The following RNF185 variants were observed in gnomAD, a reference collection of about 807,000 sequenced individuals.
RNF185 encodes the protein ring finger protein 185.
In RNF185, 13 loss-of-function variants were observed where a neutral mutation model predicts 24.9. The observed-to-expected ratio is 0.52, with a 90% CI of 0.34 to 0.83. The LOEUF (loss-of-function observed/expected upper bound fraction) is 0.83. Ranked by LOEUF, RNF185 falls within the 40% of genes least tolerant of loss-of-function variation. The pLI, the probability that RNF185 is intolerant of heterozygous loss-of-function variation, is 0.01. For synonymous variants in RNF185, 79 were observed against 90.3 expected (o/e 0.88, Z 0.71); for missense variants, 184 against 244.7 (o/e 0.75, Z 1.65).
chr22:31,187,339 T>A, intron 2 of RNF185, 69 bp downstream of exon 2: 2 of 1,561,130 alleles, frequency 1.3e-6, no homozygotes, highest in Non-Finnish European at 1.8e-6. Flanking sequence ...CCTGGGTGGT[T>A]TGGAGCAGAA....
At chr22:31,201,200 T>C (rs1370220749) in intron 5 of RNF185, among the ~76,000 whole-genome samples, 1 of 152,216 alleles carries the variant, frequency 6.6e-6, no homozygotes, top group Non-Finnish European at 1.5e-5. Flanking sequence ...TCAAGCCCTG[T>C]GAGTGCTGAC....
chr22:31,175,894 C>G (rs2034904344), intron 1 of RNF185, among the ~76,000 whole-genome samples: 2 of 152,052 alleles, frequency 1.3e-5, no homozygotes, highest in Non-Finnish European at 2.9e-5. Flanking sequence ...CCTTTTTGTT[C>G]TCTACTGAGA....
rs61736799 is a variant in RNF185, at chr22:31,195,526, C to T, written c.253C>T (p.Arg85Ter). The T allele has an allele frequency of 8.7e-6, 14 of 1,611,584 alleles. No individual in the cohort carries two copies. The highest frequency in any genetic ancestry group is 2.2e-5 in the East Asian group (1 of 44,750). The change falls in exon 4 of 7, where the codon CGA (arginine) becomes TGA (stop). Residue 85 changes from arginine (R) to a stop codon, truncating the protein, a stop_gained. Transcript: ENST00000326132. LOFTEE classifies it high-confidence loss of function. ...VCPVCKAGISRDKVIPLYGRG... is the reference protein window; with the variant it reads ...VCPVCKAGIS ...TCCTGTTTGCAAAGCTGGCATCAGCCGAGACAAGGTCATCCCCCTCTATGG... is the reference window on the plus strand; with the variant it reads ...TCCTGTTTGCAAAGCTGGCATCAGCTGAGACAAGGTCATCCCCCTCTATGG...
At chr22:31,177,317 C>T (rs913106061) in intron 1 of RNF185, among the ~76,000 whole-genome samples, 1 of 151,892 alleles carries the variant, frequency 6.6e-6, no homozygotes, top group Middle Eastern at 3.4e-3. Flanking sequence ...TCATTCCTAT[C>T]TACTAAGTAG....
intron 1 of RNF185, among the ~76,000 whole-genome samples, chr22:31,179,337 TC>T (rs2048012559): frequency 6.6e-6 from 1 of 152,158 alleles, no homozygotes; most frequent in Non-Finnish European, 1.5e-5. Context: ...CAGTAGACAA[TC>T]CCCAGGGGAA....
At chr22:31,184,516 C>T (rs1031969692) in intron 1 of RNF185, among the ~76,000 whole-genome samples, 2 of 152,074 alleles carry the variant, frequency 1.3e-5, no homozygotes, top group African/African-American at 2.4e-5. Flanking sequence ...GATGGGGTGG[C>T]GGCCGGGCAG....
rs979959611 is a variant in RNF185 at position 31,206,113 on chromosome 22, C to T, written c.*1527C>T. Reference sequence around the variant, plus strand: ...GCAATAACCAACAAATGGTAGGAAGCCCCATCTATTGCTTTTTCTCAATTA... The same window carrying T: ...GCAATAACCAACAAATGGTAGGAAGTCCCATCTATTGCTTTTTCTCAATTA... On this transcript the variant is annotated 3_prime_UTR_variant, in exon 7 of 7. Coordinates refer to ENST00000326132, the MANE Select transcript of RNF185 (RefSeq NM_152267.4). The T allele has an allele frequency of 6.5e-6, 1 of 154,522 alleles. No individual in the cohort carries two copies. Among genetic ancestry groups the T allele is most frequent in the African/African-American group, 2.4e-5 (1 of 41,456 alleles). The allele number at this position is 154,522 out of a possible 1,614,324, so 9.6% of individuals were successfully genotyped here. A position where few individuals can be genotyped will look rare whatever the true frequency, so the allele number is the denominator to read the frequency against.
rs184265912 is a variant in RNF185 at position 31,176,275 on chromosome 22, C to T, written c.-48-10772C>T. 3.5e-3 allele frequency among the ~76,000 whole-genome samples: 533 copies of T among 150,202 alleles called. 4 individuals are homozygous for T. Among genetic ancestry groups the T allele is most frequent in the African/African-American group, 0.011 (469 of 40,784 alleles). On this transcript the variant is annotated intron_variant, in intron 1 of 6. Transcript: ENST00000326132. ...TTTTTGAGACAGAATCTCGCTCTGTCGCCCAGGCTGGAGTGCAGTGGGCTC... is the reference window on the plus strand; with the variant it reads ...TTTTTGAGACAGAATCTCGCTCTGTTGCCCAGGCTGGAGTGCAGTGGGCTC...
intron 1 of RNF185, among the ~76,000 whole-genome samples, chr22:31,184,868 C>T (rs1380522718): frequency 3.4e-5 from 5 of 145,440 alleles, no homozygotes; most frequent in African/African-American, 1.0e-4. Context: ...GGCGGCAGTA[C>T]TGTCCAGCCT....
At chr22:31,163,373 G>A (rs950379964) in intron 1 of RNF185, among the ~76,000 whole-genome samples, 1 of 152,028 alleles carries the variant, frequency 6.6e-6, no homozygotes, top group South Asian at 2.1e-4. Flanking sequence ...TGTTGCCCAG[G>A]CTGGAGTGCA....
In RNF185 at chr22:31,163,656, T is replaced by TTTTATTTATTTATTTA. The variant is rs60362805; in HGVS notation, c.-49+3373_-49+3388dup. On this transcript the variant is annotated intron_variant, in intron 1 of 6. Transcript: ENST00000326132. ...TATTGTTTTTTAACTTTTTATTTTA[T>TTTTATTTATTTATTTA]TTTATTTATTTATTTATTTATTTAT... Among the ~76,000 whole-genome samples, 1,084 of 141,082 alleles carry TTTTATTTATTTATTTA rather than the reference T, an allele frequency of 7.7e-3. 8 individuals carry two copies. Among genetic ancestry groups the TTTTATTTATTTATTTA allele is most frequent in the Middle Eastern group, 0.022 (6 of 274 alleles). The allele number at this position is 141,082 out of a possible 152,430, so 92.6% of individuals were successfully genotyped here. A position where few individuals can be genotyped will look rare whatever the true frequency, so the allele number is the denominator to read the frequency against.
At position 31,204,447 on chromosome 22, in the gene RNF185, G is replaced by A. The variant is rs1204073552; in HGVS notation, c.482-42G>A. The A allele has an allele frequency of 3.9e-6, 5 of 1,283,220 alleles. No individual in the cohort carries two copies. In the Admixed American group the frequency reaches 8.4e-5, roughly 22 times the overall value. The allele number at this position is 1,283,220 out of a possible 1,614,324, so 79.5% of individuals were successfully genotyped here. A position where few individuals can be genotyped will look rare whatever the true frequency, so the allele number is the denominator to read the frequency against. ...GCCTGAGTGGGCAGTGTGCATAGCT[G>A]CAGTGTTCTAATAGCCTGTTTTCTC... On this transcript the variant is annotated intron_variant, in intron 6 of 6. Coordinates refer to ENST00000326132, the MANE Select transcript of RNF185 (RefSeq NM_152267.4).
chr22:31,175,076 T>TA (rs5844936), intron 1 of RNF185, among the ~76,000 whole-genome samples: 24 of 138,606 alleles, frequency 1.7e-4, no homozygotes, highest in South Asian at 2.3e-4. Flanking sequence ...CGTCTCAAAT[T>TA]AAAAAAAAAA....
rs1313388787 is a variant in RNF185 at position 31,206,542 on chromosome 22, T to G, written c.*1956T>G. 6.6e-6 allele frequency: 1 copy of G among 152,164 alleles called. No individual in the cohort carries two copies. The highest frequency in any genetic ancestry group is 1.5e-5 in the Non-Finnish European group (1 of 68,028). 9.4% of individuals were successfully genotyped at this position (152,164 alleles called of 1,614,324 possible). A position where few individuals can be genotyped will look rare whatever the true frequency, so the allele number is the denominator to read the frequency against. On this transcript the variant is annotated 3_prime_UTR_variant, in exon 7 of 7. Transcript: ENST00000326132. ...CAACAGAAATGGGTTTCCAGAAGAA[T>G]AATGAAAAGTTGTGGGTAGGAAAAT...
In RNF185 at chr22:31,205,902, C is replaced by T. The variant is rs1321456190; in HGVS notation, c.*1316C>T. ...GTTTCATAAGCTTCTTCCTCTGAATCTTATTGAGGGACTATGGTACCAAGC... is the reference window on the plus strand; with the variant it reads ...GTTTCATAAGCTTCTTCCTCTGAATTTTATTGAGGGACTATGGTACCAAGC... On this transcript the variant is annotated 3_prime_UTR_variant, in exon 7 of 7. Transcript: ENST00000326132. 1 of 153,246 alleles carries T rather than the reference C, an allele frequency of 6.5e-6. No individual in the cohort carries two copies. Among genetic ancestry groups the T allele is most frequent in the African/African-American group, 2.4e-5 (1 of 41,504 alleles). 9.5% of individuals were successfully genotyped at this position (153,246 alleles called of 1,614,324 possible). A position where few individuals can be genotyped will look rare whatever the true frequency, so the allele number is the denominator to read the frequency against.
At chr22:31,160,518 A>C (rs1321248461) in intron 1 of RNF185, among the ~76,000 whole-genome samples, 2 of 152,178 alleles carry the variant, frequency 1.3e-5, no homozygotes, top group African/African-American at 4.8e-5. Flanking sequence ...AGGCCTTGCG[A>C]AAGAGAAGGG....
Position 31,192,709 on chromosome 22 carries a change from T to C in RNF185, c.195+7T>C, listed in dbSNP as rs369015968. The stretch of plus-strand genomic sequence containing the variant: ...TTGGCCGTGTTTACATCAGGTAAGA[T>C]GCATTTCATTTTACTTTGTCTTTCA... On this transcript the variant is annotated splice_region_variant and intron_variant, in intron 3 of 6. Transcript: ENST00000326132. The C allele has an allele frequency of 3.9e-5, 63 of 1,613,514 alleles. No homozygotes were observed. In the Middle Eastern group the frequency reaches 8.2e-4, roughly 21 times the overall value.
At position 31,195,537 on chromosome 22, in the gene RNF185, C is replaced by T. The variant is rs750701716; in HGVS notation, c.264C>T (p.Val88=). The T allele has an allele frequency of 1.9e-6, 3 of 1,611,328 alleles. No individual in the cohort carries two copies. The highest frequency in any genetic ancestry group is 1.7e-6 in the Non-Finnish European group (2 of 1,178,832). ...AAGCTGGCATCAGCCGAGACAAGGT[C>T]ATCCCCCTCTATGGAAGGGGCAGCA... The part of the protein sequence containing the change: ...VCKAGISRDK[V]IPLYGRGSTG... The change falls in exon 4 of 7, where the codon GTC becomes GTT. Residue 88 remains valine (V), a synonymous_variant. Transcript: ENST00000326132.
chr22:31,168,527 T>C (rs1924077059), intron 1 of RNF185, among the ~76,000 whole-genome samples: 2 of 152,224 alleles, frequency 1.3e-5, no homozygotes, highest in Non-Finnish European at 2.9e-5. Context: ...CTGTGAACAT[T>C]GATGTATAGC....
Sources: gnomAD v4.1 joint callset for allele counts (sites outside exome capture counted in the v4.1 genomes callset) on GRCh38, gnomAD v4.1.1 for gene constraint, MANE v1.5 for transcripts, NCBI Gene and HGNC (gene_info 2026-07-23, HGNC 2026-07-21) for gene names.